The following GRID2 variants were observed in gnomAD, a reference collection of about 807,000 sequenced individuals.
The protein encoded by GRID2 is glutamate ionotropic receptor delta type subunit 2, also known as glutamate receptor ionotropic, delta-2.
A neutral mutation model predicts 114.8 loss-of-function variants in GRID2; 33 were observed. The observed-to-expected ratio is 0.29, with a 90% CI of 0.22 to 0.38. The LOEUF (loss-of-function observed/expected upper bound fraction) is 0.38, where lower values mean the gene tolerates loss of function less well. Among genes scored for constraint, GRID2 ranks in the 10% least tolerant of loss-of-function variants. The probability of loss-of-function intolerance (pLI) is 1.00; values close to 1 mark genes in which losing one functional copy is unlikely to be tolerated. For missense variants in GRID2, 1,184 were observed against 1,257.7 expected (o/e 0.94, Z 0.89); for synonymous variants, 505 against 449.9 (o/e 1.12, Z -1.55).
At chr4:92,429,567 C>A (rs1333174613) in intron 1 of GRID2, among the ~76,000 whole-genome samples, 1 of 152,138 alleles carries the variant, frequency 6.6e-6, no homozygotes, top group Non-Finnish European at 1.5e-5. Flanking sequence ...TATAAGAGTG[C>A]AGATATCTCT....
chr4:93,196,312 T>C (rs1259404900), intron 4 of GRID2, among the ~76,000 whole-genome samples: 4 of 152,178 alleles, frequency 2.6e-5, no homozygotes, highest in African/African-American at 7.2e-5. Flanking sequence ...CTCCTGAGCT[T>C]ACTTTGAGAA....
At chr4:92,812,805 A>T (rs1342250186) in intron 2 of GRID2, among the ~76,000 whole-genome samples, 1 of 152,148 alleles carries the variant, frequency 6.6e-6, no homozygotes, top group East Asian at 1.9e-4. Context: ...TAACTCGTTG[A>T]CAGATACTTA....
intron 4 of GRID2, among the ~76,000 whole-genome samples, chr4:93,188,537 T>C (rs1248051879): frequency 6.6e-6 from 1 of 152,192 alleles, no homozygotes; most frequent in African/African-American, 2.4e-5. Context: ...ATTGGCTTGA[T>C]GAATAAGAGC....
chr4:93,016,846 GA>G (rs1641452508), intron 2 of GRID2, among the ~76,000 whole-genome samples: 1 of 152,134 alleles, frequency 6.6e-6, no homozygotes, highest in Admixed American at 6.6e-5. Context: ...CTTGTTTTTA[GA>G]ATAAGTTATC....
intron 1 of GRID2, among the ~76,000 whole-genome samples, chr4:92,374,408 G>T (rs1228167043): frequency 9.9e-5 from 15 of 152,048 alleles, no homozygotes; most frequent in Admixed American, 7.2e-4. Context: ...GAGTTGTCCT[G>T]CCTTTCTGGA....
At chr4:93,100,386 G>T (rs1282852545) in intron 3 of GRID2, among the ~76,000 whole-genome samples, 1 of 151,794 alleles carries the variant, frequency 6.6e-6, no homozygotes, top group Non-Finnish European at 1.5e-5. Flanking sequence ...CAGCACAAAT[G>T]CCAACAAAAT....
At chr4:93,286,597 A>G (rs1201010738) in intron 8 of GRID2, among the ~76,000 whole-genome samples, 2 of 152,066 alleles carry the variant, frequency 1.3e-5, no homozygotes, top group Non-Finnish European at 2.9e-5. Context: ...AACACACTGT[A>G]TCACTTAAGA....
At chr4:92,472,993 A>C (rs1722117702) in intron 1 of GRID2, among the ~76,000 whole-genome samples, 1 of 152,018 alleles carries the variant, frequency 6.6e-6, no homozygotes, top group South Asian at 2.1e-4. Flanking sequence ...AAATTTACAA[A>C]GATTTTTTCT....
intron 13 of GRID2, among the ~76,000 whole-genome samples, chr4:93,604,467 G>A (rs913179891): frequency 5.9e-5 from 9 of 152,176 alleles, no homozygotes; most frequent in African/African-American, 2.2e-4. Context: ...TACTCTTGGT[G>A]AAGATGTTAT....
In GRID2 at chr4:93,416,215, C is replaced by G. The variant is rs556441811; in HGVS notation, c.1348-6556C>G. Among the ~76,000 whole-genome samples the G allele has an allele frequency of 1.0e-3, 153 of 151,992 alleles. 1 individual carries two copies. The highest frequency in any genetic ancestry group is 3.6e-3 in the African/African-American group (150 of 41,508). ...CTTTTAACAAATTCCATACCATTGG[C>G]CTTCCTAACTTGTGAACATTTCTAA... On this transcript the variant is annotated intron_variant, in intron 9 of 15. Transcript: ENST00000282020.
At chr4:93,022,606 A>G (rs539534680) in intron 2 of GRID2, among the ~76,000 whole-genome samples, 27 of 152,134 alleles carry the variant, frequency 1.8e-4, no homozygotes, top group African/African-American at 5.8e-4. Flanking sequence ...ATTATCCTCT[A>G]AAACTTTTAA....
chr4:93,325,740 A>G (rs915058066), intron 8 of GRID2, among the ~76,000 whole-genome samples: 1 of 152,078 alleles, frequency 6.6e-6, no homozygotes, highest in Non-Finnish European at 1.5e-5. Flanking sequence ...TGCTTACTAT[A>G]TGATCTTATC....
At chr4:93,560,617 G>A (rs1043726666) in intron 13 of GRID2, among the ~76,000 whole-genome samples, 1 of 152,162 alleles carries the variant, frequency 6.6e-6, no homozygotes, top group African/African-American at 2.4e-5. Flanking sequence ...GTGGGACACA[G>A]ATCCAAACCC....
At chr4:92,747,761 T>G (rs1000504307) in intron 2 of GRID2, among the ~76,000 whole-genome samples, 1 of 152,198 alleles carries the variant, frequency 6.6e-6, no homozygotes, top group African/African-American at 2.4e-5. Flanking sequence ...TAATAAACAT[T>G]CAATAATATT....
intron 8 of GRID2, among the ~76,000 whole-genome samples, chr4:93,284,455 GATACAC>G (rs1433999879): frequency 6.6e-6 from 1 of 151,760 alleles, no homozygotes; most frequent in Admixed American, 6.6e-5. Context: ...AACCCCCTAT[GATACAC>G]ATTTACCTAT....
At chr4:93,266,420 C>T (rs2149559462) in intron 8 of GRID2, among the ~76,000 whole-genome samples, 1 of 152,108 alleles carries the variant, frequency 6.6e-6, no homozygotes, top group Admixed American at 6.6e-5. Context: ...CAGAACATAA[C>T]TACTATTATT....
intron 8 of GRID2, among the ~76,000 whole-genome samples, chr4:93,297,745 A>G (rs1046443629): frequency 6.6e-6 from 1 of 152,192 alleles, no homozygotes; most frequent in African/African-American, 2.4e-5. Context: ...ACAGGCAAAT[A>G]TCTTTTCTTC....
chr4:93,786,598 T>C (rs1433769856), intron 1 of GRID2, among the ~76,000 whole-genome samples: 2 of 152,242 alleles, frequency 1.3e-5, no homozygotes, highest in African/African-American at 2.4e-5. Flanking sequence ...TAGGTTCAAT[T>C]GCCTGATGTT....
chr4:92,775,641 A>G (rs531496732), intron 2 of GRID2, among the ~76,000 whole-genome samples: 3 of 152,302 alleles, frequency 2.0e-5, no homozygotes, highest in East Asian at 1.9e-4. Flanking sequence ...GCATCCCAAC[A>G]TTAGCTGGCA....
Sources: gnomAD v4.1 joint callset for allele counts (sites outside exome capture counted in the v4.1 genomes callset) on GRCh38, gnomAD v4.1.1 for gene constraint, MANE v1.5 for transcripts, NCBI Gene and HGNC (gene_info 2026-07-23, HGNC 2026-07-21) for gene names.